The following RASGRF1 variants were observed in gnomAD, a reference collection of about 807,000 sequenced individuals.
RASGRF1 encodes the protein Ras protein specific guanine nucleotide releasing factor 1.
A neutral mutation model predicts 138.7 loss-of-function variants in RASGRF1; 40 were observed. The ratio of observed to expected loss-of-function variants is 0.29; its 90% CI spans 0.22 to 0.38. The LOEUF is 0.38. RASGRF1 is among the 10% of genes least tolerant of loss of function. The pLI, the probability that RASGRF1 is intolerant of heterozygous loss-of-function variation, is 1.00. For missense variants in RASGRF1, 1,108 were observed against 1,650.4 expected, an observed-to-expected ratio of 0.67 and a Z score of 5.69; for synonymous variants, 614 against 663.2, an observed-to-expected ratio of 0.93 and a Z score of 1.14.
At chr15:79,003,294 C>A (rs2056581858) in intron 15 of RASGRF1, among the ~76,000 whole-genome samples, 1 of 152,340 alleles carries the variant, frequency 6.6e-6, no homozygotes, top group South Asian at 2.1e-4. Flanking sequence ...GGTGTTCCCA[C>A]CCCAACCTCT....
chr15:79,002,171 CT>C (rs1235459937), intron 15 of RASGRF1, among the ~76,000 whole-genome samples: 151 of 136,950 alleles, frequency 1.1e-3, no homozygotes, highest in Non-Finnish European at 9.2e-4. Context: ...CACGATCTCT[CT>C]TTTTTTTTTT....
At chr15:78,970,251 T>C (rs1332997842) in intron 26 of RASGRF1, among the ~76,000 whole-genome samples, 1 of 152,118 alleles carries the variant, frequency 6.6e-6, no homozygotes, top group African/African-American at 2.4e-5. Context: ...CTGGGCGTGG[T>C]GGTTCATGCC....
chr15:78,971,714 A>G (rs2055764010), intron 26 of RASGRF1, 152 bp downstream of exon 26: 2 of 693,864 alleles, frequency 2.9e-6, no homozygotes, highest in Non-Finnish European at 5.2e-6. Context: ...AATAGGGACT[A>G]GGGAAGCCTT....
chr15:79,089,713 C>T lies in RASGRF1; in HGVS notation c.276+510G>A, dbSNP rs145841763. 1.5e-3 allele frequency among the ~76,000 whole-genome samples: 236 copies of T among 152,368 alleles called. 1 individual carries two copies. Among genetic ancestry groups the T allele is most frequent in the African/African-American group, 5.4e-3 (223 of 41,586 alleles). On this transcript the variant is annotated intron_variant, in intron 1 of 26. Transcript: ENST00000558480. ...CCAACTCCGAGGAGCTAGCGCAGAC[C>T]GCTCTCCGCCCTCAGCTGCGGCGAG...
chr15:79,023,934 CCA>C (rs960892716), intron 10 of RASGRF1, among the ~76,000 whole-genome samples: 3 of 151,648 alleles, frequency 2.0e-5, no homozygotes, highest in African/African-American at 7.3e-5. Flanking sequence ...GACACACACA[CCA>C]CACACACAGA....
intron 9 of RASGRF1, among the ~76,000 whole-genome samples, chr15:79,025,984 TCACCAATCAATCACTGCACCATA>T (rs2057043403): frequency 6.7e-6 from 1 of 148,926 alleles, no homozygotes; most frequent in Non-Finnish European, 1.5e-5. Context: ...ATGGCAGGCA[TCACCAATCAATCACTGCACCATA>T]CTGCAGAGCC....
rs2056437571 is a variant in RASGRF1, at chr15:78,998,194, G to A, written c.2868C>T (p.Asn956=). ...VSKHSQDFET[N]DELKCKVIGF... The stretch of plus-strand genomic sequence containing the variant: ...CGATCACCTTGCATTTGAGCTCATC[G>A]TTGGTCTCAAAGTCCTGCCGGGAAG... The change falls in exon 19 of 27, where the codon AAC becomes AAT. Residue 956 remains asparagine, a synonymous_variant. Transcript: ENST00000558480. The A allele has an allele frequency of 7.4e-6, 12 of 1,614,022 alleles. No homozygotes were observed. Among genetic ancestry groups the A allele is most frequent in the East Asian group, 4.5e-5 (2 of 44,890 alleles).
chr15:79,067,171 A>G (rs1403559455), intron 1 of RASGRF1, among the ~76,000 whole-genome samples: 1 of 152,166 alleles, frequency 6.6e-6, no homozygotes, highest in Non-Finnish European at 1.5e-5. Flanking sequence ...AGCGTGACCC[A>G]GAAGCTTCCC....
intron 1 of RASGRF1, among the ~76,000 whole-genome samples, chr15:79,082,184 G>A (rs1240581745): frequency 6.6e-6 from 1 of 152,210 alleles, no homozygotes; most frequent in African/African-American, 2.4e-5. Context: ...TGGGGACAGT[G>A]GCTACCATTA....
chr15:79,010,149 G>A (rs28660137), intron 13 of RASGRF1, among the ~76,000 whole-genome samples: 29,451 of 151,078 alleles, frequency 0.19, 4,173 homozygotes, highest in East Asian at 0.7. Context: ...CGATTCTCCT[G>A]CCTCAGACTC....
chr15:78,961,958 G>C lies in RASGRF1; in HGVS notation c.*186C>G. ...ACTGCAGGAGACGAGGGGAGGGATGGGTGGGCGAAGTCTGAAACGGTGCAG... is the reference window on the plus strand; with the variant it reads ...ACTGCAGGAGACGAGGGGAGGGATGCGTGGGCGAAGTCTGAAACGGTGCAG... On this transcript the variant is annotated 3_prime_UTR_variant, in exon 27 of 27. Coordinates refer to ENST00000558480, the MANE Select transcript of RASGRF1 (RefSeq NM_001145648.3). 1.8e-6 allele frequency: 1 copy of C among 568,532 alleles called. No individual in the cohort carries two copies. Among genetic ancestry groups the C allele is most frequent in the South Asian group, 2.1e-5 (1 of 47,514 alleles). The allele number at this position is 568,532 out of a possible 1,614,324, so 35.2% of individuals were successfully genotyped here.
chr15:79,017,989 C>T (rs1403486742), intron 11 of RASGRF1, 83 bp from the exon 12 acceptor site: 31 of 1,545,276 alleles, frequency 2.0e-5, no homozygotes, highest in Middle Eastern at 3.4e-4. Context: ...CCCTGTCGTA[C>T]GTACCAGTGG....
chr15:79,058,372 C>CGATCTGCTGCCG lies in RASGRF1; in HGVS notation c.481_492dup (p.Arg161_Ile164dup). On this transcript the variant is annotated inframe_insertion, in exon 3 of 27. Transcript: ENST00000558480. Reference sequence around the variant, plus strand: ...CGCTCGATCTCGATCTCCCCATCCTCGATCTGCTGCCGAAGCTGCTTGGCC... The same window carrying CGATCTGCTGCCG: ...CGCTCGATCTCGATCTCCCCATCCTCGATCTGCTGCCGGATCTGCTGCCGAAGCTGCTTGGCC... 1.2e-6 allele frequency: 2 copies of CGATCTGCTGCCG among 1,614,128 alleles called. No individual in the cohort carries two copies. The highest frequency in any genetic ancestry group is 1.7e-6 in the Non-Finnish European group (2 of 1,180,042).
Position 78,998,721 on chromosome 15 carries a change from G to A in RASGRF1, c.2851C>T (p.Gln951Ter). 6.2e-7 allele frequency: 1 copy of A among 1,612,546 alleles called. No individual in the cohort carries two copies. Among genetic ancestry groups the A allele is most frequent in the Non-Finnish European group, 8.5e-7 (1 of 1,178,592 alleles). ...VLRHWVSKHS[Q>*]DFETNDELKC... ...GCCCAGGGAGGGCTCCCACCCACCT[G>A]AGAGTGCTTGGACACCCAGTGGCGG... is the stretch of plus-strand genomic sequence containing the variant. Residue 951 changes from glutamine (Q) to a stop codon, truncating the protein, a stop_gained and splice_region_variant, in exon 18 of 27, where the codon CAG (glutamine) becomes TAG (stop). Transcript: ENST00000558480. LOFTEE classifies it high-confidence loss of function.
intron 26 of RASGRF1, among the ~76,000 whole-genome samples, chr15:78,970,240 G>C (rs1242553318): frequency 6.6e-6 from 1 of 152,128 alleles, no homozygotes; most frequent in African/African-American, 2.4e-5. Flanking sequence ...AGGATTGGAG[G>C]CTGGGCGTGG....
chr15:78,967,315 G>A (rs2055663039), intron 26 of RASGRF1, among the ~76,000 whole-genome samples: 3 of 152,098 alleles, frequency 2.0e-5, no homozygotes, highest in Admixed American at 1.3e-4. Flanking sequence ...GGAGGCCGAG[G>A]CAGGCAGATC....
intron 26 of RASGRF1, among the ~76,000 whole-genome samples, chr15:78,967,846 C>T (rs1047983903): frequency 6.6e-6 from 1 of 152,186 alleles, no homozygotes; most frequent in African/African-American, 2.4e-5. Flanking sequence ...CTGAATACTT[C>T]AGCCATGCAT....
chr15:79,006,185 C>A lies in RASGRF1; in HGVS notation c.2075+1G>T. 6.2e-7 allele frequency: 1 copy of A among 1,614,116 alleles called. No individual in the cohort carries two copies. Among genetic ancestry groups the A allele is most frequent in the Non-Finnish European group, 8.5e-7 (1 of 1,179,984 alleles). ...TGGGAGGAGGAGGGCACCTCAGCCA[C>A]CTGGCAGGAATGGCACTGATAGGCT... On this transcript the variant is annotated splice_donor_variant, in intron 14 of 26. Coordinates refer to ENST00000558480, the MANE Select transcript of RASGRF1 (RefSeq NM_001145648.3). LOFTEE classifies it high-confidence loss of function. This position sits in a 1 kb window ranked among gnomAD's most constrained non-coding sequence, Gnocchi z 4.0.
intron 1 of RASGRF1, among the ~76,000 whole-genome samples, chr15:79,066,875 C>T (rs184833053): frequency 2.1e-4 from 32 of 152,234 alleles, no homozygotes; most frequent in Middle Eastern, 3.4e-3. Flanking sequence ...TTCAGGAAGC[C>T]GGCCGCAGGC....
Sources: allele counts gnomAD v4.1 joint callset (sites outside exome capture counted in the v4.1 genomes callset), GRCh38; gene constraint gnomAD v4.1.1; non-coding constraint Gnocchi (gnomAD v3.1); transcripts MANE v1.5; gene names NCBI Gene and HGNC (gene_info 2026-07-23, HGNC 2026-07-21).